LRRC14B: variants seen among roughly 807,000 people sequenced by gnomAD.
LRRC14B encodes leucine rich repeat containing 14B.
In LRRC14B, 23 loss-of-function variants were observed where a neutral mutation model predicts 16.9. The ratio of observed to expected loss-of-function variants is 1.36; its 90% CI spans 0.98 to 1.92. The LOEUF is 1.92. Among genes scored for constraint, LRRC14B ranks in the 30% most tolerant of loss-of-function variants. LRRC14B has a pLI of 0.00. For synonymous variants in LRRC14B, 358 were observed against 332.5 expected (o/e 1.08, Z -0.83); for missense variants, 766 against 705.7 (o/e 1.09, Z -0.97).
chr5:194,329 A>G (rs922986225), intron 1 of LRRC14B, among the ~76,000 whole-genome samples: 2 of 152,048 alleles, frequency 1.3e-5, no homozygotes, highest in African/African-American at 4.8e-5. Flanking sequence ...TTCTCAGACA[A>G]CACAAAAGCA....
intron 1 of LRRC14B, among the ~76,000 whole-genome samples, chr5:193,142 G>T (rs1273382995): frequency 6.6e-6 from 1 of 151,146 alleles, no homozygotes; most frequent in Non-Finnish European, 1.5e-5. Context: ...TCCAAGGGGG[G>T]TGCCCAGTGA....
chr5:191,806 C>T lies in LRRC14B; in HGVS notation c.268C>T (p.Leu90=). The T allele has an allele frequency of 2.6e-6, 4 of 1,533,006 alleles. No homozygotes were observed. Among genetic ancestry groups the T allele is most frequent in the Non-Finnish European group, 2.6e-6 (3 of 1,143,538 alleles). The allele number at this position is 1,533,006 out of a possible 1,614,324, so 95.0% of individuals were successfully genotyped here. The stretch of plus-strand genomic sequence containing the variant: ...AACCTGCAGGGCCTGCCTGGAGGCG[C>T]TGGTGCGCGGCCTCGCGGACCACGT... ...DRTCRACLEA[L]VRGLADHVLQ... The change falls in exon 1 of 2, where the codon CTG becomes TTG. Residue 90 remains leucine (L), a synonymous_variant. Transcript: ENST00000328278.
intron 1 of LRRC14B, 98 bp from the exon 2 acceptor site, chr5:194,610 C>A: frequency 4.2e-6 from 5 of 1,179,654 alleles, no homozygotes; most frequent in Non-Finnish European, 5.9e-6. Flanking sequence ...TGTGTGTTGA[C>A]CCCATGATGG....
Position 192,175 on chromosome 5 carries a change from C to T in LRRC14B, c.637C>T (p.Leu213=). 6.2e-7 allele frequency: 1 copy of T among 1,600,300 alleles called. No individual in the cohort carries two copies. Among genetic ancestry groups the T allele is most frequent in the Non-Finnish European group, 8.5e-7 (1 of 1,174,588 alleles). Residue 213 remains leucine, a synonymous_variant, in exon 1 of 2, where the codon CTG becomes TTG. Coordinates refer to ENST00000328278, the MANE Select transcript of LRRC14B (RefSeq NM_001080478.3). ...GCTGCGTCTGGCTGGCCCGGGTGCCCTGCGCAAGCTGGAGGTGGTGCACAA... is the reference window on the plus strand; with the variant it reads ...GCTGCGTCTGGCTGGCCCGGGTGCCTTGCGCAAGCTGGAGGTGGTGCACAA... ...HVLRLAGPGA[L]RKLEVVHNVR...
chr5:192,505 C>T (rs1411082273), intron 1 of LRRC14B, 68 bp downstream of exon 1: 7 of 1,393,586 alleles, frequency 5.0e-6, no homozygotes, highest in Middle Eastern at 2.6e-4. Flanking sequence ...CGTCCAGGGG[C>T]CTGCTCATGT....
At chr5:194,368 G>T (rs559412452) in intron 1 of LRRC14B, among the ~76,000 whole-genome samples, 1 of 152,152 alleles carries the variant, frequency 6.6e-6, no homozygotes, top group Admixed American at 6.5e-5. Context: ...TTACCATTTA[G>T]GTGCTGAGGA....
Position 192,495 on chromosome 5 carries a change from C to A in LRRC14B, c.899+58C>A, listed in dbSNP as rs139862036. The A allele has an allele frequency of 1.0e-4, 145 of 1,417,740 alleles. No individual in the cohort carries two copies. In the African/African-American group the frequency reaches 1.8e-3, roughly 17 times the overall value. The allele number at this position is 1,417,740 out of a possible 1,614,324, so 87.8% of individuals were successfully genotyped here. A position where few individuals can be genotyped will look rare whatever the true frequency, so the allele number is the denominator to read the frequency against. On this transcript the variant is annotated intron_variant, in intron 1 of 1. Transcript: ENST00000328278. ...GGTGGCTGCAGAGGCAAGGAGAGAT[C>A]GTCCAGGGGCCTGCTCATGTCCAAG...
chr5:194,080 G>A (rs1053519120), intron 1 of LRRC14B, among the ~76,000 whole-genome samples: 2 of 152,092 alleles, frequency 1.3e-5, no homozygotes, highest in African/African-American at 2.4e-5. Context: ...GGCTGTACTG[G>A]AAGCCTCCAT....
rs1338065601 is a variant in LRRC14B at position 191,600 on chromosome 5, T to A, written c.62T>A (p.Val21Glu). 3 of 1,612,040 alleles carry A rather than the reference T, an allele frequency of 1.9e-6. No homozygotes were observed. Among genetic ancestry groups the A allele is most frequent in the Non-Finnish European group, 2.5e-6 (3 of 1,179,554 alleles). Reference sequence around the variant, plus strand: ...GAAGCTCTGGTGTCCCACCCCCAGGTGGCCCGGCAGAGCCTGGACAGCGTG... The same window carrying A: ...GAAGCTCTGGTGTCCCACCCCCAGGAGGCCCGGCAGAGCCTGGACAGCGTG... ...SAEALVSHPQ[V>E]ARQSLDSVAH... Residue 21 changes from valine (V) to glutamate (E), a missense_variant, in exon 1 of 2, where the codon GTG (valine) becomes GAG (glutamate). By Grantham distance (121) the Val-to-Glu change is moderately radical. Transcript: ENST00000328278.
At position 192,438 on chromosome 5, in the gene LRRC14B, G is replaced by T. The variant is rs1342131240; in HGVS notation, c.899+1G>T. 5 of 1,527,422 alleles carry T rather than the reference G, an allele frequency of 3.3e-6. No homozygotes were observed. The South Asian group carries it at 5.2e-5, about 16-fold the overall frequency. 94.6% of individuals were successfully genotyped at this position (1,527,422 alleles called of 1,614,324 possible). A position where few individuals can be genotyped will look rare whatever the true frequency, so the allele number is the denominator to read the frequency against. On this transcript the variant is annotated splice_donor_variant, in intron 1 of 1. Coordinates refer to ENST00000328278, the MANE Select transcript of LRRC14B (RefSeq NM_001080478.3). LOFTEE classifies it high-confidence loss of function. ...CCGGGAAGATCCCGACGCTGCTTGGGTGAGTCTTGGGGAGGGGACTGAGGG... is the reference window on the plus strand; with the variant it reads ...CCGGGAAGATCCCGACGCTGCTTGGTTGAGTCTTGGGGAGGGGACTGAGGG...
Position 191,545 on chromosome 5 carries a change from A to T in LRRC14B, c.7A>T (p.Thr3Ser), listed in dbSNP as rs756555124. ...AGCGGTCCTGTCTCGGGCCATGGAC[A>T]CAATGAGGTCACTCCGCTTCATTTC... is the stretch of plus-strand genomic sequence containing the variant. MD[T>S]MRSLRFISAE... The change falls in exon 1 of 2, where the codon ACA becomes TCA. Residue 3 changes from threonine to serine, a missense_variant. Transcript: ENST00000328278. 8.7e-6 allele frequency: 14 copies of T among 1,608,264 alleles called. No individual in the cohort carries two copies. The highest frequency in any genetic ancestry group is 1.1e-5 in the Non-Finnish European group (13 of 1,176,190).
chr5:192,147 C>G lies in LRRC14B; in HGVS notation c.609C>G (p.His203Gln). The G allele has an allele frequency of 1.3e-6, 2 of 1,593,022 alleles. No individual in the cohort carries two copies. Among genetic ancestry groups the G allele is most frequent in the Middle Eastern group, 1.7e-4 (1 of 6,020 alleles). The change falls in exon 1 of 2, where the codon CAC becomes CAG. Residue 203 changes from histidine to glutamine, a missense_variant. Coordinates refer to ENST00000328278, the MANE Select transcript of LRRC14B (RefSeq NM_001080478.3). ...GCCTGAGCCCCAGCCAGCTCCTGCA[C>G]GTGCTGCGTCTGGCTGGCCCGGGTG... ...ADSLSPSQLL[H>Q]VLRLAGPGAL... is the part of the protein sequence containing the mutation.
rs747049003 is a variant in LRRC14B, at chr5:194,817, G to C, written c.1009G>C (p.Asp337His). The change falls in exon 2 of 2, where the codon GAC becomes CAC. Residue 337 changes from aspartate to histidine, a missense_variant. By Grantham distance (81) the Asp-to-His change is moderately conservative. Transcript: ENST00000328278. The stretch of plus-strand genomic sequence containing the variant: ...CCACGCTGCCCACCTGGAGGTGCTG[G>C]ACCTCAGTGGACACAACCTGGTCAG... ...CAHAAHLEVL[D>H]LSGHNLVSLY... The C allele has an allele frequency of 6.2e-7, 1 of 1,604,510 alleles. No individual in the cohort carries two copies. The highest frequency in any genetic ancestry group is 8.5e-7 in the Non-Finnish European group (1 of 1,175,482).
rs552272324 is a variant in LRRC14B, at chr5:195,437, C to A, written c.*84C>A. On this transcript the variant is annotated 3_prime_UTR_variant, in exon 2 of 2. Transcript: ENST00000328278. ...TAGTCCTGGATCTGAGGCTTGGGCC[C>A]GGCATTCATCCCCACCACCACCACC... 1.3e-5 allele frequency: 16 copies of A among 1,247,218 alleles called. No homozygotes were observed. The East Asian group carries it at 1.5e-4, about 12-fold the overall frequency. The allele number at this position is 1,247,218 out of a possible 1,614,324, so 77.3% of individuals were successfully genotyped here. A position where few individuals can be genotyped will look rare whatever the true frequency, so the allele number is the denominator to read the frequency against.
Position 191,921 on chromosome 5 carries a change from C to G in LRRC14B, c.383C>G (p.Ala128Gly). 6.6e-7 allele frequency: 1 copy of G among 1,510,690 alleles called. No homozygotes were observed. Among genetic ancestry groups the G allele is most frequent in the Non-Finnish European group, 8.8e-7 (1 of 1,133,214 alleles). The allele number at this position is 1,510,690 out of a possible 1,614,324, so 93.6% of individuals were successfully genotyped here. The change falls in exon 1 of 2, where the codon GCG becomes GGG. Residue 128 changes from alanine to glycine, a missense_variant. Physicochemically the swap from Ala to Gly is moderately conservative, Grantham distance 60 (BLOSUM62 0). Coordinates refer to ENST00000328278, the MANE Select transcript of LRRC14B (RefSeq NM_001080478.3). ...GTGCAGCGGTGCCCGTGCGGGAGGG[C>G]GCTGGGCAGGTGGGGCCGCACCCAG... The part of the protein sequence containing the change: ...VQVQRCPCGR[A>G]LGRWGRTQLL...
chr5:191,923 C>G lies in LRRC14B; in HGVS notation c.385C>G (p.Leu129Val). 6.6e-7 allele frequency: 1 copy of G among 1,511,776 alleles called. No homozygotes were observed. 93.6% of individuals were successfully genotyped at this position (1,511,776 alleles called of 1,614,324 possible). The change falls in exon 1 of 2, where the codon CTG (leucine) becomes GTG (valine). Residue 129 changes from leucine (L) to valine (V), a missense_variant. Leu to Val is a conservative substitution (Grantham distance 32). Coordinates refer to ENST00000328278, the MANE Select transcript of LRRC14B (RefSeq NM_001080478.3). ...QVQRCPCGRA[L>V]GRWGRTQLLA... is the part of the protein sequence containing the mutation. Reference sequence around the variant, plus strand: ...GCAGCGGTGCCCGTGCGGGAGGGCGCTGGGCAGGTGGGGCCGCACCCAGCT... The same window carrying G: ...GCAGCGGTGCCCGTGCGGGAGGGCGGTGGGCAGGTGGGGCCGCACCCAGCT...
Position 192,204 on chromosome 5 carries a change from G to A in LRRC14B, c.666G>A (p.Val222=). The part of the protein sequence containing the change: ...ALRKLEVVHN[V]RLHAGHVQQL... ...GCAAGCTGGAGGTGGTGCACAACGT[G>A]CGGCTGCATGCGGGCCACGTGCAGC... Residue 222 remains valine (V), a synonymous_variant, in exon 1 of 2, where the codon GTG becomes GTA. Transcript: ENST00000328278. 1.9e-6 allele frequency: 3 copies of A among 1,598,896 alleles called. No individual in the cohort carries two copies. Among genetic ancestry groups the A allele is most frequent in the Non-Finnish European group, 2.6e-6 (3 of 1,173,798 alleles).
rs572325442 is a variant in LRRC14B at position 196,201 on chromosome 5, T to C, written c.*848T>C. 1 of 152,330 alleles carries C rather than the reference T, an allele frequency of 6.6e-6. No individual in the cohort carries two copies. Among genetic ancestry groups the C allele is most frequent in the South Asian group, 2.1e-4 (1 of 4,828 alleles). 9.4% of individuals were successfully genotyped at this position (152,330 alleles called of 1,614,324 possible). ...GGGTGTTTAATTGAAGGTCTAGCAC[T>C]TGACCAGCCCCTGGAGGAGCTGACA... On this transcript the variant is annotated 3_prime_UTR_variant, in exon 2 of 2. Transcript: ENST00000328278.
chr5:191,848 C>T lies in LRRC14B; in HGVS notation c.310C>T (p.Arg104Cys), dbSNP rs1283566456. 7.9e-6 allele frequency: 12 copies of T among 1,525,374 alleles called. No homozygotes were observed. Among genetic ancestry groups the T allele is most frequent in the South Asian group, 7.3e-5 (6 of 82,736 alleles). 94.5% of individuals were successfully genotyped at this position (1,525,374 alleles called of 1,614,324 possible). A position where few individuals can be genotyped will look rare whatever the true frequency, so the allele number is the denominator to read the frequency against. Residue 104 changes from arginine (R) to cysteine (C), a missense_variant, in exon 1 of 2, where the codon CGC becomes TGC. Transcript: ENST00000328278. ...GGACCACGTGCTGCAGGACCGGAGCCGCCGGCGGCTGCGGGTGGCTGACCT... is the reference window on the plus strand; with the variant it reads ...GGACCACGTGCTGCAGGACCGGAGCTGCCGGCGGCTGCGGGTGGCTGACCT... ...LADHVLQDRS[R>C]RRLRVADLTG...
Sources: gnomAD v4.1 joint callset for allele counts (sites outside exome capture counted in the v4.1 genomes callset) on GRCh38, gnomAD v4.1.1 for gene constraint, MANE v1.5 for transcripts, NCBI Gene and HGNC (gene_info 2026-07-23, HGNC 2026-07-21) for gene names.